The following CNTNAP2 variants were observed in gnomAD, a reference collection of about 807,000 sequenced individuals.
CNTNAP2 encodes contactin-associated protein-like 2.
Under a neutral mutation model 155.2 loss-of-function variants are expected in CNTNAP2, and 98 were observed. That is an observed-to-expected ratio of 0.63 (90% CI 0.54 to 0.75). The LOEUF (loss-of-function observed/expected upper bound fraction) is 0.75, where lower values mean the gene tolerates loss of function less well. Ranked by LOEUF, CNTNAP2 falls within the 30% of genes least tolerant of loss-of-function variation. The probability of loss-of-function intolerance (pLI) is 0.00; values close to 1 mark genes in which losing one functional copy is unlikely to be tolerated. For synonymous variants in CNTNAP2, 651 were observed against 631.2 expected (o/e 1.03, Z -0.47); for missense variants, 1,727 against 1,688.1 (o/e 1.02, Z -0.40).
intron 10 of CNTNAP2, among the ~76,000 whole-genome samples, chr7:147,417,396 C>G (rs749574799): frequency 3.9e-5 from 6 of 152,148 alleles, no homozygotes; most frequent in Non-Finnish European, 7.3e-5. Flanking sequence ...ACATGCTAGG[C>G]AGGCAAAGGA....
intron 15 of CNTNAP2, among the ~76,000 whole-genome samples, chr7:148,099,944 G>A (rs1481893713): frequency 1.4e-5 from 2 of 144,620 alleles, no homozygotes; most frequent in African/African-American, 5.2e-5. Context: ...ACAGTCTTGG[G>A]TCACTGCAAC....
At chr7:148,307,649 C>A (rs549075117) in intron 21 of CNTNAP2, among the ~76,000 whole-genome samples, 1 of 152,264 alleles carries the variant, frequency 6.6e-6, no homozygotes, top group Admixed American at 6.5e-5. Flanking sequence ...TCCTTCAGCA[C>A]TTCTATTTTA....
At chr7:147,358,451 AAATT>A (rs1796097026) in intron 9 of CNTNAP2, among the ~76,000 whole-genome samples, 1 of 152,168 alleles carries the variant, frequency 6.6e-6, no homozygotes, top group African/African-American at 2.4e-5. Context: ...AACATAAAGT[AAATT>A]AATCATTATA....
At chr7:147,683,437 C>T (rs1430603146) in intron 13 of CNTNAP2, among the ~76,000 whole-genome samples, 1 of 151,732 alleles carries the variant, frequency 6.6e-6, no homozygotes, top group Non-Finnish European at 1.5e-5. Flanking sequence ...ATTTATAGCA[C>T]ACTTAGTGAA....
intron 1 of CNTNAP2, among the ~76,000 whole-genome samples, chr7:146,456,207 G>T (rs1796552458): frequency 6.6e-6 from 1 of 152,118 alleles, no homozygotes; most frequent in East Asian, 1.9e-4. Flanking sequence ...ATAAAAGGTG[G>T]TTGATTTCCA....
At chr7:146,852,344 G>A (rs1794895413) in intron 3 of CNTNAP2, among the ~76,000 whole-genome samples, 1 of 152,032 alleles carries the variant, frequency 6.6e-6, no homozygotes, top group African/African-American at 2.4e-5. Flanking sequence ...AAATATGCTT[G>A]AATCAAACGA....
chr7:146,423,298 A>AT (rs1239221935), intron 1 of CNTNAP2, among the ~76,000 whole-genome samples: 5 of 152,066 alleles, frequency 3.3e-5, no homozygotes, highest in South Asian at 2.1e-4. Context: ...CTATGAGTAG[A>AT]TTTTTTTGTT....
chr7:148,302,965 C>T (rs768293142), intron 21 of CNTNAP2, among the ~76,000 whole-genome samples: 105 of 151,914 alleles, frequency 6.9e-4, no homozygotes, highest in Non-Finnish European at 1.2e-3. Flanking sequence ...ATTACAGGCG[C>T]CTACTACTGT....
intron 1 of CNTNAP2, among the ~76,000 whole-genome samples, chr7:146,324,513 A>T (rs1325643359): frequency 6.6e-6 from 1 of 152,160 alleles, no homozygotes; most frequent in Non-Finnish European, 1.5e-5. Context: ...ACTTTTCTCT[A>T]GACGTAGTAG....
At chr7:147,879,923 C>T (rs961542222) in intron 13 of CNTNAP2, among the ~76,000 whole-genome samples, 1 of 152,160 alleles carries the variant, frequency 6.6e-6, no homozygotes, top group African/African-American at 2.4e-5. Flanking sequence ...CTGTGTATTT[C>T]CTTAGGTGGG....
intron 1 of CNTNAP2, among the ~76,000 whole-genome samples, chr7:146,586,795 A>G (rs1204256942): frequency 6.6e-6 from 1 of 152,206 alleles, no homozygotes; most frequent in Non-Finnish European, 1.5e-5. Flanking sequence ...AGATGAGCTA[A>G]TTAATCAGCA....
Position 147,128,717 on chromosome 7 carries a change from T to C in CNTNAP2, c.964T>C (p.Ser322Pro). Residue 322 changes from serine to proline, a missense_variant, in exon 7 of 24, where the codon TCT (serine) becomes CCT (proline). Coordinates refer to ENST00000361727, the MANE Select transcript of CNTNAP2 (RefSeq NM_014141.6). Reference protein sequence around the residue: ...YEITFGGIPFSGKPSSSSRKN... With the variant: ...YEITFGGIPFPGKPSSSSRKN... ...GATAACCTTTGGAGGCATCCCTTTC[T>C]CTGGCAAGCCCAGCTCCAGCAGTAG... 1 of 1,614,090 alleles carries C rather than the reference T, an allele frequency of 6.2e-7. No individual in the cohort carries two copies. The highest frequency in any genetic ancestry group is 1.3e-5 in the African/African-American group (1 of 75,056).
intron 13 of CNTNAP2, among the ~76,000 whole-genome samples, chr7:147,819,239 A>C (rs1487872440): frequency 6.6e-6 from 1 of 152,194 alleles, no homozygotes; most frequent in Admixed American, 6.5e-5. Context: ...TAGCTCTTGA[A>C]GTTTTGCTGT....
chr7:147,598,097 G>A (rs12673115), intron 12 of CNTNAP2, among the ~76,000 whole-genome samples: 26,546 of 151,988 alleles, frequency 0.17, 2,694 homozygotes, highest in East Asian at 0.35. Context: ...CCCCTGTGGG[G>A]TAATTGTGGT....
intron 11 of CNTNAP2, among the ~76,000 whole-genome samples, chr7:147,488,723 C>G (rs1313925410): frequency 1.3e-5 from 2 of 152,102 alleles, no homozygotes; most frequent in African/African-American, 4.8e-5. Context: ...GCTAGAAGCT[C>G]TAGTTCAAGA....
intron 1 of CNTNAP2, among the ~76,000 whole-genome samples, chr7:146,299,396 T>C (rs911987787): frequency 7.2e-5 from 11 of 152,012 alleles, no homozygotes; most frequent in African/African-American, 2.2e-4. Flanking sequence ...TCAAAGCCAA[T>C]GATTATTTAT....
At chr7:146,496,729 A>T (rs748589158) in intron 1 of CNTNAP2, among the ~76,000 whole-genome samples, 2 of 152,174 alleles carry the variant, frequency 1.3e-5, no homozygotes, top group Non-Finnish European at 2.9e-5. Context: ...AGATTTTATC[A>T]CTTATTTCAT....
intron 10 of CNTNAP2, among the ~76,000 whole-genome samples, chr7:147,415,802 C>T (rs1342534101): frequency 5.3e-5 from 8 of 152,124 alleles, no homozygotes; most frequent in Non-Finnish European, 8.8e-5. Flanking sequence ...TTAAACCGGG[C>T]CTTTTTTAAT....
Position 147,079,592 on chromosome 7 carries a change from AATAATAATAATAATG to A in CNTNAP2, c.551-28540_551-28526del, listed in dbSNP as rs1281615196. Reference sequence around the variant, plus strand: ...ACATGTACCCTAAAACTTAAAGTATAATAATAATAATAATGATAATAATAATAATAATGCTAATAA... The same window carrying A: ...ACATGTACCCTAAAACTTAAAGTATAATAATAATAATAATAATGCTAATAA... On this transcript the variant is annotated intron_variant, in intron 4 of 23. Transcript: ENST00000361727. 1.2e-3 allele frequency among the ~76,000 whole-genome samples: 178 copies of A among 149,246 alleles called. 1 individual carries two copies. The highest frequency in any genetic ancestry group is 4.1e-3 in the African/African-American group (169 of 40,896).
Sources: allele counts gnomAD v4.1 joint callset (sites outside exome capture counted in the v4.1 genomes callset), GRCh38; gene constraint gnomAD v4.1.1; transcripts MANE v1.5; gene names NCBI Gene and HGNC (gene_info 2026-07-23, HGNC 2026-07-21).